The following SLC6A11 variants were observed in gnomAD, a reference collection of about 807,000 sequenced individuals.
SLC6A11 encodes the protein sodium- and chloride-dependent GABA transporter 3.
Under a neutral mutation model 74.8 loss-of-function variants are expected in SLC6A11, and 25 were observed. The observed-to-expected ratio is 0.33, with a 90% confidence interval of 0.24 to 0.47. SLC6A11 has a LOEUF of 0.47. Ranked by LOEUF, SLC6A11 falls within the 20% of genes least tolerant of loss-of-function variation. The pLI is 1.00. For missense variants in SLC6A11, 574 were observed against 837.0 expected, an observed-to-expected ratio of 0.69 and a Z score of 3.88; for synonymous variants, 330 against 330.2, an observed-to-expected ratio of 1.00 and a Z score of 0.01.
In SLC6A11 at chr3:10,921,610, GC is replaced by G. The variant is rs1298578476; in HGVS notation, c.1120+3158del. Among the ~76,000 whole-genome samples the G allele has an allele frequency of 2.0e-5, 3 of 152,044 alleles. No homozygotes were observed. In the East Asian group the frequency reaches 5.8e-4, roughly 29 times the overall value. The stretch of plus-strand genomic sequence containing the variant: ...AACAGAAAACCAAAAGAAAACAAAT[GC>G]AAAATAGTAGACTTAAATCCAACCA... On this transcript the variant is annotated intron_variant, in intron 8 of 13. Coordinates refer to ENST00000254488, the MANE Select transcript of SLC6A11 (RefSeq NM_014229.3).
rs1695781121 is a variant in SLC6A11 at position 10,938,242 on chromosome 3, C to A, written c.1747-8C>A. 6.3e-7 allele frequency: 1 copy of A among 1,583,624 alleles called. No homozygotes were observed. The highest frequency in any genetic ancestry group is 1.3e-5 in the African/African-American group (1 of 74,338). On this transcript the variant is annotated splice_region_variant and splice_polypyrimidine_tract_variant and intron_variant, in intron 13 of 13. Transcript: ENST00000254488. ...ACTCAGATCTTCCCCTCCTCTCCAACCATCCAGAAACTCCAGAAGTTGACG... is the reference window on the plus strand; with the variant it reads ...ACTCAGATCTTCCCCTCCTCTCCAAACATCCAGAAACTCCAGAAGTTGACG...
At position 10,823,180 on chromosome 3, in the gene SLC6A11, G is replaced by A. The variant is rs1038896458; in HGVS notation, c.533-122G>A. 4.4e-6 allele frequency: 3 copies of A among 684,328 alleles called. No homozygotes were observed. The East Asian group carries it at 8.2e-5, about 19-fold the overall frequency. The allele number at this position is 684,328 out of a possible 1,614,324, so 42.4% of individuals were successfully genotyped here. ...TTGATTTTCCCCACTGCCCTTTGAC[G>A]CATGTTTACCTGGAGTGGGTAGATG... is the stretch of plus-strand genomic sequence containing the variant. On this transcript the variant is annotated intron_variant, in intron 3 of 13. Coordinates refer to ENST00000254488, the MANE Select transcript of SLC6A11 (RefSeq NM_014229.3).
At chr3:10,925,026 T>C (rs2581215) in intron 8 of SLC6A11, among the ~76,000 whole-genome samples, 73,008 of 152,062 alleles carry the variant, frequency 0.48, 18,116 homozygotes, top group Non-Finnish European at 0.52. Context: ...AAAAATTGAA[T>C]TGATGGTTGC....
chr3:10,852,976 C>A (rs1694594800), intron 5 of SLC6A11, among the ~76,000 whole-genome samples: 1 of 152,178 alleles, frequency 6.6e-6, no homozygotes, highest in South Asian at 2.1e-4. Flanking sequence ...GAGTCAGGAG[C>A]CCTGCCCCGC....
At chr3:10,893,806 C>G (rs1206350160) in intron 6 of SLC6A11, among the ~76,000 whole-genome samples, 1 of 152,176 alleles carries the variant, frequency 6.6e-6, no homozygotes, top group Non-Finnish European at 1.5e-5. Context: ...TTTCTAGCCC[C>G]CATCCATGCA....
chr3:10,926,607 C>T lies in SLC6A11; in HGVS notation c.1233+491C>T, dbSNP rs902703580. Among the ~76,000 whole-genome samples, 1 of 152,098 alleles carries T rather than the reference C, an allele frequency of 6.6e-6. No individual in the cohort carries two copies. The highest frequency in any genetic ancestry group is 1.9e-4 in the East Asian group (1 of 5,176). On this transcript the variant is annotated intron_variant, in intron 9 of 13. Transcript: ENST00000254488. This position sits in a 1 kb window ranked among gnomAD's most constrained non-coding sequence, Gnocchi z 5.7. The stretch of plus-strand genomic sequence containing the variant: ...CTGGATGCCACCACCAGCTCTGCCC[C>T]GCCACCGCCTGCCTGTCTCTGTGCT...
At chr3:10,840,401 A>G (rs1452192027) in intron 4 of SLC6A11, among the ~76,000 whole-genome samples, 1 of 152,012 alleles carries the variant, frequency 6.6e-6, no homozygotes, top group Non-Finnish European at 1.5e-5. Flanking sequence ...GTCTCCTGCT[A>G]TGCCTGGGAG....
intron 5 of SLC6A11, among the ~76,000 whole-genome samples, chr3:10,867,501 T>C (rs954069206): frequency 1.3e-5 from 2 of 152,216 alleles, no homozygotes; most frequent in African/African-American, 2.4e-5. Flanking sequence ...AATAGCAGCA[T>C]TTTCCAAGGC....
chr3:10,850,930 C>G (rs1694567057), intron 5 of SLC6A11, among the ~76,000 whole-genome samples: 1 of 152,132 alleles, frequency 6.6e-6, no homozygotes, highest in Admixed American at 6.5e-5. Context: ...AGATCAGAGA[C>G]ACCTCTCAGG....
intron 10 of SLC6A11, among the ~76,000 whole-genome samples, chr3:10,930,416 G>A (rs1035348980): frequency 6.6e-6 from 1 of 152,200 alleles, no homozygotes; most frequent in African/African-American, 2.4e-5. Flanking sequence ...CCTGGCATGG[G>A]GTGGGTGCTC....
At chr3:10,886,825 A>C (rs1374944967) in intron 6 of SLC6A11, among the ~76,000 whole-genome samples, 1 of 151,312 alleles carries the variant, frequency 6.6e-6, no homozygotes, top group Non-Finnish European at 1.5e-5. Flanking sequence ...AAAAAAAAAA[A>C]TCTCTCCCTA....
intron 3 of SLC6A11, among the ~76,000 whole-genome samples, chr3:10,820,087 A>AGAT (rs1269456004): frequency 6.6e-6 from 1 of 152,174 alleles, no homozygotes; most frequent in Non-Finnish European, 1.5e-5. Context: ...AGGAGAATGG[A>AGAT]GATGTTCTGT....
At chr3:10,846,936 T>G (rs1324803274) in intron 5 of SLC6A11, among the ~76,000 whole-genome samples, 1 of 152,170 alleles carries the variant, frequency 6.6e-6, no homozygotes, top group Non-Finnish European at 1.5e-5. Flanking sequence ...TTGTTTTGAG[T>G]GGTGTCCTTT....
chr3:10,853,658 A>T (rs1048539474), intron 5 of SLC6A11, among the ~76,000 whole-genome samples: 6 of 152,196 alleles, frequency 3.9e-5, no homozygotes, highest in Non-Finnish European at 7.3e-5. Flanking sequence ...TCACTGGGGA[A>T]GTCTCAGCTC....
At chr3:10,928,328 A>G (rs1695636489) in intron 9 of SLC6A11, among the ~76,000 whole-genome samples, 1 of 152,102 alleles carries the variant, frequency 6.6e-6, no homozygotes, top group Admixed American at 6.5e-5. Context: ...GACAGATATA[A>G]GCAGGAAAGG....
At chr3:10,868,228 C>T (rs909351287) in intron 5 of SLC6A11, among the ~76,000 whole-genome samples, 4 of 152,142 alleles carry the variant, frequency 2.6e-5, no homozygotes, top group African/African-American at 7.2e-5. Flanking sequence ...TAGGTTCTTG[C>T]CCCACACTGC....
chr3:10,845,243 G>C (rs1037959918), intron 5 of SLC6A11, among the ~76,000 whole-genome samples: 3 of 152,192 alleles, frequency 2.0e-5, no homozygotes, highest in Non-Finnish European at 4.4e-5. Flanking sequence ...TGCCCACACA[G>C]TGGCATGTGT....
intron 8 of SLC6A11, among the ~76,000 whole-genome samples, chr3:10,920,080 A>G (rs1351405997): frequency 6.6e-6 from 1 of 152,164 alleles, no homozygotes; most frequent in African/African-American, 2.4e-5. Context: ...GTGAGAATCC[A>G]TGTCCTCCTC....
chr3:10,895,072 A>C (rs1575692891), intron 6 of SLC6A11, among the ~76,000 whole-genome samples: 1 of 152,118 alleles, frequency 6.6e-6, no homozygotes, highest in Non-Finnish European at 1.5e-5. Context: ...TGATAATAGT[A>C]CCAGCCTATG....
Sources: gnomAD v4.1 joint callset for allele counts (sites outside exome capture counted in the v4.1 genomes callset) on GRCh38, gnomAD v4.1.1 for gene constraint, Gnocchi (gnomAD v3.1) non-coding constraint, MANE v1.5 for transcripts, NCBI Gene and HGNC (gene_info 2026-07-23, HGNC 2026-07-21) for gene names.